The following TOR3A variants were observed in gnomAD, a reference collection of about 807,000 sequenced individuals.
The protein encoded by TOR3A is torsin family 3 member A.
A neutral mutation model predicts 42.1 loss-of-function variants in TOR3A; 44 were observed. The ratio of observed to expected loss-of-function variants is 1.04; its 90% CI spans 0.82 to 1.34. TOR3A has a LOEUF of 1.34. TOR3A is among the 40% of genes most tolerant of loss of function. The pLI is 0.00. For synonymous variants in TOR3A, 227 were observed against 213.2 expected, an observed-to-expected ratio of 1.06 and a Z score of -0.57; for missense variants, 521 against 507.6, an observed-to-expected ratio of 1.03 and a Z score of -0.25.
intron 4 of TOR3A, among the ~76,000 whole-genome samples, chr1:179,092,841 C>CAAAAAAAAAAAAAAAAAAAAAAAAAAAA (rs1349060090): frequency 6.8e-6 from 1 of 146,192 alleles, no homozygotes; most frequent in South Asian, 2.2e-4. Context: ...AACTCTGTCT[C>CAAAAAAAAAAAAAAAAAAAAAAAAAAAA]AAGAAAAAAA....
chr1:179,092,658 C>T (rs1256548094), intron 4 of TOR3A, among the ~76,000 whole-genome samples: 1 of 152,112 alleles, frequency 6.6e-6, no homozygotes, highest in Admixed American at 6.5e-5. Flanking sequence ...ACCAGCCTGG[C>T]CAACATGGTG....
At chr1:179,088,852 G>A (rs1652502348) in intron 4 of TOR3A, among the ~76,000 whole-genome samples, 1 of 152,168 alleles carries the variant, frequency 6.6e-6, no homozygotes, top group Admixed American at 6.5e-5. Context: ...TCAAGTTTGG[G>A]CCCTTGTTGA....
chr1:179,090,782 C>T (rs1413492893), intron 4 of TOR3A, among the ~76,000 whole-genome samples: 3 of 152,112 alleles, frequency 2.0e-5, no homozygotes, highest in African/African-American at 4.8e-5. Context: ...AATGGGCTCA[C>T]GTGGCAGGAC....
Position 179,095,587 on chromosome 1 carries a change from T to TTATGACAC in TOR3A, c.*371_*378dup. ...GAGCTCAGCAAATCCCAAGGGCTTA[T>TTATGACAC]TATGACACTCCAGATGGTCTCCTTA... On this transcript the variant is annotated 3_prime_UTR_variant, in exon 6 of 6. Coordinates refer to ENST00000367627, the MANE Select transcript of TOR3A (RefSeq NM_022371.4). 9.0e-7 allele frequency: 1 copy of TTATGACAC among 1,113,442 alleles called. No homozygotes were observed. The highest frequency in any genetic ancestry group is 6.6e-5 in the East Asian group (1 of 15,060). The allele number at this position is 1,113,442 out of a possible 1,614,324, so 69.0% of individuals were successfully genotyped here.
rs762983970 is a variant in TOR3A at position 179,095,012 on chromosome 1, G to C, written c.988G>C (p.Asp330His). The change falls in exon 6 of 6, where the codon GAC (aspartate) becomes CAC (histidine). Residue 330 changes from aspartate (D) to histidine (H), a missense_variant. Transcript: ENST00000367627. ...CCGTCTTGTGAAGGAAAACCTGATT[G>C]ACTACTTCATCCCCTTCCTGCCTTT... The part of the protein sequence containing the change: ...HSRLVKENLI[D>H]YFIPFLPLEY... 1.5e-5 allele frequency: 24 copies of C among 1,614,164 alleles called. No homozygotes were observed. The highest frequency in any genetic ancestry group is 1.9e-5 in the Non-Finnish European group (22 of 1,180,038).
intron 4 of TOR3A, 121 bp from the exon 5 acceptor site, chr1:179,093,972 G>GAAGGT: frequency 7.8e-7 from 1 of 1,274,128 alleles, no homozygotes; most frequent in Non-Finnish European, 1.1e-6. Flanking sequence ...GGAAGAGAGA[G>GAAGGT]AAGGTCCACG....
chr1:179,090,970 C>T (rs926028620), intron 4 of TOR3A, among the ~76,000 whole-genome samples: 7 of 152,182 alleles, frequency 4.6e-5, no homozygotes, highest in Admixed American at 6.5e-5. Context: ...GTGGGCCTTG[C>T]GCTCCAGCCC....
At chr1:179,090,168 T>G (rs2102545095) in intron 4 of TOR3A, among the ~76,000 whole-genome samples, 1 of 150,062 alleles carries the variant, frequency 6.7e-6, no homozygotes, top group South Asian at 2.1e-4. Context: ...CACAGCAGGG[T>G]GGGGAGGTCC....
intron 4 of TOR3A, among the ~76,000 whole-genome samples, chr1:179,093,403 G>T (rs1652647480): frequency 6.6e-6 from 1 of 152,212 alleles, no homozygotes; most frequent in Non-Finnish European, 1.5e-5. Flanking sequence ...TTCCACCTCT[G>T]TTAAGGGGGA....
chr1:179,089,790 A>G (rs947106139), intron 4 of TOR3A, among the ~76,000 whole-genome samples: 2 of 152,094 alleles, frequency 1.3e-5, no homozygotes, highest in Admixed American at 6.6e-5. Context: ...ATGGTGACCC[A>G]GCCTCGGGCC....
chr1:179,090,092 C>T (rs1162543994), intron 4 of TOR3A, among the ~76,000 whole-genome samples: 4 of 93,606 alleles, frequency 4.3e-5, no homozygotes, highest in African/African-American at 1.7e-4. Context: ...TGTCCGAGGC[C>T]ATGTGGTTGT....
intron 3 of TOR3A, among the ~76,000 whole-genome samples, chr1:179,086,448 C>T (rs1478990632): frequency 1.3e-5 from 2 of 152,142 alleles, no homozygotes; most frequent in Admixed American, 6.5e-5. Flanking sequence ...GGGTGGATCA[C>T]GAGGTCAGGA....
intron 2 of TOR3A, among the ~76,000 whole-genome samples, 188 bp downstream of exon 2, chr1:179,083,241 T>G (rs1261383644): frequency 6.6e-6 from 1 of 152,106 alleles, no homozygotes; most frequent in East Asian, 1.9e-4. Context: ...CTTTTTAGCC[T>G]CTAGCTTAAT....
At position 179,085,633 on chromosome 1, in the gene TOR3A, G is replaced by C. The variant is rs769664909; in HGVS notation, c.379G>C (p.Glu127Gln). The C allele has an allele frequency of 2.5e-5, 40 of 1,613,958 alleles. No individual in the cohort carries two copies. Among genetic ancestry groups the C allele is most frequent in the Non-Finnish European group, 3.1e-5 (36 of 1,179,984 alleles). ...CRISNNFTGL[E>Q]WDLNVRLHGQ... The stretch of plus-strand genomic sequence containing the variant: ...TACCTCTTTCCTGTCCTTAGGCTTA[G>C]AGTGGGACCTGAATGTGCGGCTGCA... Residue 127 changes from glutamate (E) to glutamine (Q), a missense_variant, in exon 3 of 6, where the codon GAG (glutamate) becomes CAG (glutamine). Physicochemically the swap from Glu to Gln is conservative, Grantham distance 29. Coordinates refer to ENST00000367627, the MANE Select transcript of TOR3A (RefSeq NM_022371.4).
At chr1:179,091,182 G>A (rs937003815) in intron 4 of TOR3A, among the ~76,000 whole-genome samples, 7 of 152,212 alleles carry the variant, frequency 4.6e-5, no homozygotes, top group Non-Finnish European at 4.4e-5. Flanking sequence ...TTCCTTTGGG[G>A]TCTTAGGGAT....
At chr1:179,089,743 T>C (rs1390600251) in intron 4 of TOR3A, among the ~76,000 whole-genome samples, 1 of 152,120 alleles carries the variant, frequency 6.6e-6, no homozygotes, top group Non-Finnish European at 1.5e-5. Context: ...GAACCACCGA[T>C]GCGGAAGCCA....
intron 3 of TOR3A, among the ~76,000 whole-genome samples, chr1:179,086,482 C>T (rs531577820): frequency 2.3e-4 from 35 of 152,196 alleles, no homozygotes; most frequent in African/African-American, 7.5e-4. Flanking sequence ...CTGGCTAACA[C>T]GGTGAAACCC....
At chr1:179,089,197 T>C (rs1652513841) in intron 4 of TOR3A, among the ~76,000 whole-genome samples, 1 of 152,022 alleles carries the variant, frequency 6.6e-6, no homozygotes. Context: ...GGCAGGTGCC[T>C]GTAATCCCAG....
Position 179,082,318 on chromosome 1 carries a change from A to C in TOR3A, c.190A>C (p.Thr64Pro), listed in dbSNP as rs1427994782. ...GGGTGCCCTCTCCAAGCGGTACTGG[A>C]CGCTCTTCAGCTGCCAGGTGTGGCC... Reference protein sequence around the residue: ...AAGALSKRYWTLFSCQVWPDD... With the variant: ...AAGALSKRYWPLFSCQVWPDD... The change falls in exon 1 of 6, where the codon ACG becomes CCG. Residue 64 changes from threonine to proline, a missense_variant. By Grantham distance (38) the Thr-to-Pro change is conservative (BLOSUM62 -1). Coordinates refer to ENST00000367627, the MANE Select transcript of TOR3A (RefSeq NM_022371.4). The C allele has an allele frequency of 1.4e-5, 22 of 1,602,990 alleles. No homozygotes were observed. The highest frequency in any genetic ancestry group is 1.9e-5 in the Non-Finnish European group (22 of 1,176,868).
Sources: allele counts gnomAD v4.1 joint callset (sites outside exome capture counted in the v4.1 genomes callset), GRCh38; gene constraint gnomAD v4.1.1; transcripts MANE v1.5; gene names NCBI Gene and HGNC (gene_info 2026-07-23, HGNC 2026-07-21).